MMP16: variants seen among roughly 807,000 people sequenced by gnomAD.
MMP16 encodes the protein matrix metallopeptidase 16.
MMP16 carries 12 observed loss-of-function variants against 67.8 expected under a neutral mutation model. The observed-to-expected ratio is 0.18, with a 90% CI of 0.11 to 0.29. The LOEUF (loss-of-function observed/expected upper bound fraction) is 0.29. Among genes scored for constraint, MMP16 ranks in the 10% least tolerant of loss-of-function variants. The pLI is 1.00. For missense variants in MMP16, 475 were observed against 765.7 expected (o/e 0.62, Z 4.48); for synonymous variants, 249 against 255.9 (o/e 0.97, Z 0.26).
At chr8:88,312,860 T>C (rs1811316644) in intron 1 of MMP16, among the ~76,000 whole-genome samples, 1 of 151,980 alleles carries the variant, frequency 6.6e-6, no homozygotes, top group South Asian at 2.1e-4. Context: ...CCCAGCCACT[T>C]GGGAGGCTGA....
At chr8:88,206,847 T>G (rs2129807109) in intron 1 of MMP16, among the ~76,000 whole-genome samples, 1 of 152,318 alleles carries the variant, frequency 6.6e-6, no homozygotes, top group Middle Eastern at 3.4e-3. Flanking sequence ...AGAGTGTATC[T>G]ATGATGACAT....
chr8:88,245,733 A>G (rs919245215), intron 1 of MMP16, among the ~76,000 whole-genome samples: 4 of 152,176 alleles, frequency 2.6e-5, no homozygotes, highest in Non-Finnish European at 5.9e-5. Flanking sequence ...GGCATTCAAC[A>G]GCATCAGGCA....
intron 1 of MMP16, among the ~76,000 whole-genome samples, chr8:88,207,375 G>A (rs1809445549): frequency 1.3e-5 from 2 of 151,986 alleles, no homozygotes; most frequent in Admixed American, 6.6e-5. Flanking sequence ...TGCTGAAAAC[G>A]CTATGTGATG....
chr8:88,234,632 G>C (rs190952497), intron 1 of MMP16, among the ~76,000 whole-genome samples: 83 of 152,284 alleles, frequency 5.5e-4, no homozygotes, highest in Middle Eastern at 3.4e-3. Flanking sequence ...AGGACAAATA[G>C]AGCAAACTCA....
chr8:88,297,713 C>G (rs560007036), intron 1 of MMP16, among the ~76,000 whole-genome samples: 2 of 152,330 alleles, frequency 1.3e-5, no homozygotes, highest in Admixed American at 6.5e-5. Context: ...CTCGCTTTCA[C>G]ATTCATTAGT....
intron 1 of MMP16, among the ~76,000 whole-genome samples, chr8:88,311,471 A>G (rs897619844): frequency 1.4e-4 from 22 of 152,182 alleles, no homozygotes; most frequent in African/African-American, 5.3e-4. Context: ...AGGAGATAGG[A>G]GATATGAGAA....
intron 1 of MMP16, among the ~76,000 whole-genome samples, chr8:88,216,868 T>A (rs1809602912): frequency 6.6e-6 from 1 of 152,084 alleles, no homozygotes. Context: ...CCTTTGTCAA[T>A]AATAACAATT....
chr8:88,091,627 T>C (rs1403615242), intron 6 of MMP16, among the ~76,000 whole-genome samples: 1 of 151,802 alleles, frequency 6.6e-6, no homozygotes, highest in East Asian at 1.9e-4. Flanking sequence ...AATTAAGAGA[T>C]AGATTCTAGT....
At chr8:88,153,330 A>G (rs1808443294) in intron 4 of MMP16, among the ~76,000 whole-genome samples, 1 of 152,328 alleles carries the variant, frequency 6.6e-6, no homozygotes, top group Admixed American at 6.5e-5. Flanking sequence ...CCATCAAGCT[A>G]CCAATGACTT....
chr8:88,097,483 G>A (rs772759862), intron 6 of MMP16, among the ~76,000 whole-genome samples: 5 of 151,358 alleles, frequency 3.3e-5, no homozygotes, highest in Admixed American at 6.6e-5. Flanking sequence ...AAAATTAGCC[G>A]AGTGTCAGGG....
chr8:88,058,348 T>G lies in MMP16; in HGVS notation c.1223-2070A>C, dbSNP rs1808356807. Among the ~76,000 whole-genome samples, 1 of 152,116 alleles carries G rather than the reference T, an allele frequency of 6.6e-6. No homozygotes were observed. Among genetic ancestry groups the G allele is most frequent in the African/African-American group, 2.4e-5 (1 of 41,440 alleles). On this transcript the variant is annotated intron_variant, in intron 7 of 9. Transcript: ENST00000286614. This position sits in a 1 kb window ranked among gnomAD's most constrained non-coding sequence, Gnocchi z 4.2. Reference sequence around the variant, plus strand: ...AAAATAAGATGACCCATCAAGAGTCTTTGGCAAGAATTAATTGAATCATTC... The same window carrying G: ...AAAATAAGATGACCCATCAAGAGTCGTTGGCAAGAATTAATTGAATCATTC...
chr8:88,046,434 A>G (rs912787440), intron 9 of MMP16, among the ~76,000 whole-genome samples: 3 of 152,190 alleles, frequency 2.0e-5, no homozygotes, highest in Non-Finnish European at 4.4e-5. Context: ...CTTCCATATT[A>G]AACTATTACT....
rs982780220 is a variant in MMP16, at chr8:88,041,080, TC to T, written c.*380del. ...GGTTTTCTGATTTGCTTTTTTTTTC[TC>T]CCCCCAGAAATGGGCTCAGACTTCA... On this transcript the variant is annotated 3_prime_UTR_variant, in exon 10 of 10. Coordinates refer to ENST00000286614, the MANE Select transcript of MMP16 (RefSeq NM_005941.5). This position sits in a 1 kb window ranked among gnomAD's most constrained non-coding sequence, Gnocchi z 6.0. 2.4e-5 allele frequency: 4 copies of T among 164,086 alleles called. No individual in the cohort carries two copies. Among genetic ancestry groups the T allele is most frequent in the Middle Eastern group, 2.8e-3 (1 of 352 alleles). 10.2% of individuals were successfully genotyped at this position (164,086 alleles called of 1,614,324 possible).
chr8:88,042,447 G>A (rs1018735503), intron 9 of MMP16, among the ~76,000 whole-genome samples: 4 of 152,032 alleles, frequency 2.6e-5, no homozygotes, highest in Admixed American at 2.6e-4. Context: ...ATAGTATTCG[G>A]TACTCTAACC....
intron 4 of MMP16, among the ~76,000 whole-genome samples, chr8:88,134,320 G>T (rs1438714451): frequency 6.6e-6 from 1 of 151,624 alleles, no homozygotes; most frequent in Admixed American, 6.6e-5. Flanking sequence ...CATAGATAAA[G>T]AAATTTTGTT....
At chr8:88,129,354 G>A (rs529943493) in intron 4 of MMP16, among the ~76,000 whole-genome samples, 7 of 151,556 alleles carry the variant, frequency 4.6e-5, no homozygotes, top group Non-Finnish European at 1.0e-4. Context: ...CCTGTTTTTA[G>A]AAAACAAAGC....
intron 1 of MMP16, among the ~76,000 whole-genome samples, chr8:88,314,582 T>C (rs1811348648): frequency 6.6e-6 from 1 of 152,172 alleles, no homozygotes; most frequent in Admixed American, 6.6e-5. Flanking sequence ...CAGTGTTTAG[T>C]CCAGAGCTAA....
intron 4 of MMP16, among the ~76,000 whole-genome samples, chr8:88,147,872 C>G (rs1808321375): frequency 6.6e-6 from 1 of 151,918 alleles, no homozygotes; most frequent in African/African-American, 2.4e-5. Context: ...ATTTTTACTT[C>G]TAGATAATTA....
At chr8:88,254,578 A>G (rs951372813) in intron 1 of MMP16, among the ~76,000 whole-genome samples, 1 of 152,164 alleles carries the variant, frequency 6.6e-6, no homozygotes, top group African/African-American at 2.4e-5. Flanking sequence ...TGCATCCACT[A>G]GTTTGTATTT....
Sources: allele counts gnomAD v4.1 joint callset (sites outside exome capture counted in the v4.1 genomes callset), GRCh38; gene constraint gnomAD v4.1.1; non-coding constraint Gnocchi (gnomAD v3.1); transcripts MANE v1.5; gene names NCBI Gene and HGNC (gene_info 2026-07-23, HGNC 2026-07-21).